RBPJ: variants seen among roughly 807,000 people sequenced by gnomAD.
The protein encoded by RBPJ is recombining binding protein suppressor of hairless.
In RBPJ, 9 loss-of-function variants were observed where a neutral mutation model predicts 67.8. That is an observed-to-expected ratio of 0.13 (90% CI 0.08 to 0.23). The LOEUF (loss-of-function observed/expected upper bound fraction) is 0.23, where lower values mean the gene tolerates loss of function less well. Among genes scored for constraint, RBPJ ranks in the 10% least tolerant of loss-of-function variants. The probability of loss-of-function intolerance (pLI) is 1.00; values close to 1 mark genes in which losing one functional copy is unlikely to be tolerated. For synonymous variants in RBPJ, 198 were observed against 203.3 expected (o/e 0.97, Z 0.22); for missense variants, 305 against 595.6 (o/e 0.51, Z 5.08).
chr4:26,209,537 TCCTTCCTTCCTCCTTCCCTGTCTC>T lies in RBPJ; in HGVS notation c.-167+45927_-167+45950del, dbSNP rs879474077. The stretch of plus-strand genomic sequence containing the variant: ...TCAAACAATCAAGTGACATCCTATC[TCCTTCCTTCCTCCTTCCCTGTCTC>T]CCTCCCTTCCTCCTTCCCTGTCTCC... On this transcript the variant is annotated intron_variant, in intron 1 of 4. Coordinates refer to the RBPJ transcript ENST00000512351. 7.7e-3 allele frequency among the ~76,000 whole-genome samples: 907 copies of T among 117,836 alleles called. 32 individuals carry two copies. The highest frequency in any genetic ancestry group is 0.014 in the East Asian group (55 of 3,856). 77.3% of individuals were successfully genotyped at this position (117,836 alleles called of 152,430 possible). A position where few individuals can be genotyped will look rare whatever the true frequency, so the allele number is the denominator to read the frequency against.
chr4:26,131,892 G>A, the RBPJ span, among the ~76,000 whole-genome samples: 8,220 of 152,316 alleles, frequency 0.054, 301 homozygotes, highest in South Asian at 0.093. Context: ...ACCACCACTG[G>A]TGGGTGCTTT....
chr4:26,283,251 T>C (rs892102188), intron 1 of RBPJ, among the ~76,000 whole-genome samples: 2 of 150,020 alleles, frequency 1.3e-5, no homozygotes, highest in Admixed American at 6.6e-5. Flanking sequence ...ATTAAAGATA[T>C]AGGATTTTCT....
chr4:26,329,755 G>A (rs908551904), intron 1 of RBPJ, among the ~76,000 whole-genome samples: 20 of 152,054 alleles, frequency 1.3e-4, no homozygotes, highest in African/African-American at 3.9e-4. Flanking sequence ...TTAGCTGGGC[G>A]TGTTGGCAGG....
Position 26,380,254 on chromosome 4 carries a change from T to C in RBPJ, c.21-6099T>C, listed in dbSNP as rs1364685278. Among the ~76,000 whole-genome samples, 5 of 152,242 alleles carry C rather than the reference T, an allele frequency of 3.3e-5. No homozygotes were observed. The South Asian group carries it at 6.2e-4, about 19-fold the overall frequency. ...ATTTAAGTAGTTTCTGAATGTTTTG[T>C]TTTTATAAATTATATAGATGAACGT... On this transcript the variant is annotated intron_variant, in intron 1 of 10. Transcript: ENST00000355476.
chr4:26,399,697 G>GT (rs151110866), intron 2 of RBPJ, among the ~76,000 whole-genome samples: 17,881 of 151,154 alleles, frequency 0.12, 1,318 homozygotes, highest in Non-Finnish European at 0.16. Flanking sequence ...TTTTTGTTTT[G>GT]TTTTTTTTGT....
rs1718371547 is a variant in RBPJ, at chr4:26,210,727, C to CTTCTTTCTTTCCTTCTTTA, written c.-167+47113_-167+47114insTTCTTTCTTTCCTTCTTTA. ...TCTTTCCTTCTTTCCTTCTTTCTTT[C>CTTCTTTCTTTCCTTCTTTA]CTTCTTTACTTCTTTCCTTCTTTCC... is the stretch of plus-strand genomic sequence containing the variant. On this transcript the variant is annotated intron_variant, in intron 1 of 4. Transcript: ENST00000512351. Among the ~76,000 whole-genome samples the CTTCTTTCTTTCCTTCTTTA allele has an allele frequency of 3.4e-4, 21 of 61,846 alleles. 1 individual carries two copies. The South Asian group carries it at 3.7e-3, about 11-fold the overall frequency. The allele number at this position is 61,846 out of a possible 152,430, so 40.6% of individuals were successfully genotyped here. A position where few individuals can be genotyped will look rare whatever the true frequency, so the allele number is the denominator to read the frequency against.
the RBPJ span, among the ~76,000 whole-genome samples, chr4:26,126,997 T>G: frequency 6.6e-6 from 1 of 152,230 alleles, no homozygotes; most frequent in South Asian, 2.1e-4. Context: ...CTAGTCTTGA[T>G]GAAGGATTCA....
chr4:26,351,456 C>T (rs550132965), intron 1 of RBPJ, among the ~76,000 whole-genome samples: 98 of 152,266 alleles, frequency 6.4e-4, no homozygotes, highest in African/African-American at 2.3e-3. Context: ...GCTCAGCTCA[C>T]GGCAACCTCT....
chr4:26,181,847 G>T (rs910606855), intron 1 of RBPJ, among the ~76,000 whole-genome samples: 8 of 152,234 alleles, frequency 5.3e-5, no homozygotes, highest in Non-Finnish European at 1.2e-4. Context: ...TCACAGGACT[G>T]GAAGTTGCTC....
chr4:26,269,538 G>A (rs1009828110), intron 1 of RBPJ, among the ~76,000 whole-genome samples: 1 of 152,100 alleles, frequency 6.6e-6, no homozygotes, highest in Non-Finnish European at 1.5e-5. Flanking sequence ...TTAAAGGTGT[G>A]AGCCACCTCG....
Position 26,280,697 on chromosome 4 carries a change from T to C in RBPJ, c.-166-81749T>C, listed in dbSNP as rs372038507. Among the ~76,000 whole-genome samples the C allele has an allele frequency of 5.3e-5, 8 of 152,288 alleles. No homozygotes were observed. The East Asian group carries it at 5.8e-4, about 11-fold the overall frequency. On this transcript the variant is annotated intron_variant, in intron 1 of 4. Transcript: ENST00000512351. ...TGCCCTTGAATTGTACACTGAAGCA[T>C]GGTTAAAATGGCAAATTTTATGTTA... is the stretch of plus-strand genomic sequence containing the variant.
At chr4:26,298,154 C>T (rs1266565102) in intron 1 of RBPJ, among the ~76,000 whole-genome samples, 2 of 152,016 alleles carry the variant, frequency 1.3e-5, no homozygotes, top group Admixed American at 1.3e-4. Context: ...GCATGCTTTC[C>T]CTCATATTTT....
intron 1 of RBPJ, among the ~76,000 whole-genome samples, chr4:26,169,861 C>T (rs1242520145): frequency 2.6e-5 from 4 of 152,206 alleles, no homozygotes; most frequent in African/African-American, 4.8e-5. Flanking sequence ...ACTCCGTGGG[C>T]GTAGGACCCT....
Position 26,337,527 on chromosome 4 carries a change from CT to C in RBPJ, c.20+16493del, listed in dbSNP as rs74272715. Reference sequence around the variant, plus strand: ...CTGGCTGCTTTGAGGTTGTTTCCAACTTTTTTTTTTTTTTATACTGCTGCCA... The same window carrying C: ...CTGGCTGCTTTGAGGTTGTTTCCAACTTTTTTTTTTTTTATACTGCTGCCA... On this transcript the variant is annotated intron_variant, in intron 1 of 10. Transcript: ENST00000355476. 4.9e-3 allele frequency among the ~76,000 whole-genome samples: 696 copies of C among 142,712 alleles called. 1 individual carries two copies. Among genetic ancestry groups the C allele is most frequent in the African/African-American group, 5.8e-3 (228 of 39,256 alleles). The allele number at this position is 142,712 out of a possible 152,430, so 93.6% of individuals were successfully genotyped here.
intron 1 of RBPJ, among the ~76,000 whole-genome samples, chr4:26,349,100 G>A (rs922485591): frequency 1.4e-4 from 21 of 151,182 alleles, no homozygotes; most frequent in Admixed American, 8.6e-4. Context: ...GCGCGCGCAC[G>A]CACTTGCCAG....
chr4:26,295,245 AGTGT>A (rs71932374), intron 1 of RBPJ, among the ~76,000 whole-genome samples: 203 of 147,110 alleles, frequency 1.4e-3, no homozygotes, highest in South Asian at 0.01. Flanking sequence ...AGGGTGCATC[AGTGT>A]GTGTGTGTGT....
intron 1 of RBPJ, among the ~76,000 whole-genome samples, chr4:26,343,750 T>C (rs1267902537): frequency 1.5e-5 from 2 of 135,102 alleles, no homozygotes; most frequent in African/African-American, 2.8e-5. Context: ...TTTTTTTTTT[T>C]TTTTTTTTTT....
chr4:26,273,746 T>C (rs185311052), intron 1 of RBPJ, among the ~76,000 whole-genome samples: 148 of 152,352 alleles, frequency 9.7e-4, no homozygotes, highest in South Asian at 2.1e-3. Flanking sequence ...GTGGGAGGTC[T>C]GTTTGCATCA....
intron 1 of RBPJ, among the ~76,000 whole-genome samples, chr4:26,324,180 T>C (rs1482548091): frequency 1.3e-5 from 2 of 152,318 alleles, no homozygotes; most frequent in Admixed American, 1.3e-4. Context: ...CTAGGAATTG[T>C]TACTGAAATA....
Sources: gnomAD v4.1 joint callset for allele counts (sites outside exome capture counted in the v4.1 genomes callset) on GRCh38, gnomAD v4.1.1 for gene constraint, MANE v1.5 for transcripts, NCBI Gene and HGNC (gene_info 2026-07-23, HGNC 2026-07-21) for gene names.